The following ATG7 variants were observed in gnomAD, a reference collection of about 807,000 sequenced individuals.
The protein encoded by ATG7 is autophagy related 7, also known as ubiquitin-like modifier-activating enzyme ATG7.
ATG7 carries 70 observed loss-of-function variants against 82.4 expected under a neutral mutation model. The ratio of observed to expected loss-of-function variants is 0.85; its 90% confidence interval spans 0.70 to 1.04. The LOEUF (loss-of-function observed/expected upper bound fraction) is 1.04. Ranked by LOEUF, ATG7 falls within the 50% of genes least tolerant of loss-of-function variation. The probability of loss-of-function intolerance (pLI) is 0.00; values close to 1 mark genes in which losing one functional copy is unlikely to be tolerated. For synonymous variants in ATG7, 287 were observed against 313.0 expected (o/e 0.92, Z 0.88); for missense variants, 792 against 864.3 (o/e 0.92, Z 1.05).
intron 10 of ATG7, among the ~76,000 whole-genome samples, chr3:11,332,045 A>AT (rs760687917): frequency 6.6e-6 from 1 of 152,238 alleles, no homozygotes; most frequent in Non-Finnish European, 1.5e-5. Flanking sequence ...ACTCACTGAA[A>AT]TACCTACATA....
rs145781933 is a variant in ATG7 at position 11,335,022 on chromosome 3, C to T, written c.889+1929C>T. Among the ~76,000 whole-genome samples, 15 of 151,076 alleles carry T rather than the reference C, an allele frequency of 9.9e-5. No homozygotes were observed. In the East Asian group the frequency reaches 2.9e-3, roughly 30 times the overall value. ...CTAGAGTGCTACAGTCAGAAGGATT[C>T]AGGATTGGCCCACATGACATTTTTT... On this transcript the variant is annotated intron_variant, in intron 11 of 20. Transcript: ENST00000693202.
intron 18 of ATG7, among the ~76,000 whole-genome samples, chr3:11,376,043 G>A (rs1389282602): frequency 6.6e-6 from 1 of 152,190 alleles, no homozygotes; most frequent in East Asian, 1.9e-4. Context: ...CAGTAAAGAG[G>A]AATGAAATGC....
intron 20 of ATG7, among the ~76,000 whole-genome samples, chr3:11,492,824 C>T (rs1395814063): frequency 6.6e-6 from 1 of 152,252 alleles, no homozygotes; most frequent in Non-Finnish European, 1.5e-5. Context: ...ACTGACTGGC[C>T]ACTTTGGTGC....
At chr3:11,311,257 A>G (rs1265603814) in intron 7 of ATG7, among the ~76,000 whole-genome samples, 1 of 152,136 alleles carries the variant, frequency 6.6e-6, no homozygotes, top group Non-Finnish European at 1.5e-5. Flanking sequence ...AAAGAATCCT[A>G]AGAAATGCAA....
At chr3:11,564,075 T>G in the ATG7 span, among the ~76,000 whole-genome samples, 3 of 152,194 alleles carry the variant, frequency 2.0e-5, no homozygotes, top group Non-Finnish European at 4.4e-5. Flanking sequence ...GACTACTGAC[T>G]AAGGACCTAT....
intron 20 of ATG7, chr3:11,477,050 C>T (rs896428948): frequency 1.6e-6 from 2 of 1,248,516 alleles, no homozygotes; most frequent in Middle Eastern, 2.2e-4. Flanking sequence ...ACAATGGGCA[C>T]TTGATTATAA....
intron 13 of ATG7, among the ~76,000 whole-genome samples, chr3:11,342,594 T>C (rs1173827923): frequency 2.0e-5 from 3 of 152,172 alleles, no homozygotes; most frequent in Non-Finnish European, 4.4e-5. Flanking sequence ...TTTGCTGATA[T>C]TTATTTGTAT....
intron 20 of ATG7, among the ~76,000 whole-genome samples, chr3:11,467,294 C>G (rs760926179): frequency 6.6e-6 from 1 of 152,180 alleles, no homozygotes; most frequent in South Asian, 2.1e-4. Flanking sequence ...GCTGGGAAGT[C>G]TTTGAACAAC....
intron 18 of ATG7, among the ~76,000 whole-genome samples, chr3:11,375,270 TAAG>T (rs1185401737): frequency 1.4e-4 from 22 of 152,274 alleles, no homozygotes; most frequent in Middle Eastern, 3.4e-3. Context: ...ATATATTTGA[TAAG>T]AAACCTTTAT....
intron 20 of ATG7, among the ~76,000 whole-genome samples, chr3:11,438,816 T>C (rs980944552): frequency 2.6e-5 from 4 of 152,110 alleles, no homozygotes; most frequent in Non-Finnish European, 5.9e-5. Context: ...GGAGAATCTC[T>C]GGCCTGTGGC....
chr3:11,494,997 G>C (rs1181340713), intron 20 of ATG7, among the ~76,000 whole-genome samples: 1 of 152,128 alleles, frequency 6.6e-6, no homozygotes, highest in East Asian at 1.9e-4. Context: ...GCTTGAACCT[G>C]GGAGGTGGAG....
chr3:11,453,429 C>G (rs1358093106), intron 20 of ATG7, among the ~76,000 whole-genome samples: 1 of 152,168 alleles, frequency 6.6e-6, no homozygotes, highest in East Asian at 1.9e-4. Flanking sequence ...CCGTGGCTGT[C>G]CCTGCAAGCC....
chr3:11,410,983 A>G (rs944269779), intron 19 of ATG7, among the ~76,000 whole-genome samples: 9 of 152,192 alleles, frequency 5.9e-5, no homozygotes, highest in African/African-American at 2.2e-4. Flanking sequence ...GCTGGATCTA[A>G]TAATTCTCTT....
chr3:11,485,285 T>C (rs1251582331), intron 20 of ATG7, among the ~76,000 whole-genome samples: 2 of 152,266 alleles, frequency 1.3e-5, no homozygotes, highest in African/African-American at 4.8e-5. Flanking sequence ...ATTTCTCTGA[T>C]AGCCAGTGAT....
At position 11,372,815 on chromosome 3, in the gene ATG7, T is replaced by C. The variant is rs978944914; in HGVS notation, c.1876-7157T>C. ...GGTAAGGGCTGGGTGTGTGTGTGTG[T>C]GCGCGCGTGTGCGTGTGTGTGCGTG... On this transcript the variant is annotated intron_variant, in intron 18 of 20. Coordinates refer to ENST00000693202, the MANE Select transcript of ATG7 (RefSeq NM_001349232.2). Among the ~76,000 whole-genome samples the C allele has an allele frequency of 5.6e-4, 45 of 79,934 alleles. 1 individual carries two copies. Among genetic ancestry groups the C allele is most frequent in the Admixed American group, 1.3e-3 (10 of 7,950 alleles). The allele number at this position is 79,934 out of a possible 152,430, so 52.4% of individuals were successfully genotyped here.
chr3:11,448,355 C>G (rs973462700), intron 20 of ATG7, among the ~76,000 whole-genome samples: 2 of 151,808 alleles, frequency 1.3e-5, no homozygotes, highest in Non-Finnish European at 2.9e-5. Flanking sequence ...GGGGAGTGCT[C>G]TCTCTGGCTG....
chr3:11,332,022 T>C (rs554374669), intron 10 of ATG7, among the ~76,000 whole-genome samples: 1 of 152,338 alleles, frequency 6.6e-6, no homozygotes, highest in Non-Finnish European at 1.5e-5. Flanking sequence ...GCAATGTTAC[T>C]CTCAAGTATA....
chr3:11,466,401 A>G (rs762066438), intron 20 of ATG7, among the ~76,000 whole-genome samples: 5 of 152,232 alleles, frequency 3.3e-5, no homozygotes, highest in Non-Finnish European at 7.3e-5. Context: ...TCATATTGCA[A>G]AGGGCATGAA....
chr3:11,486,169 C>T (rs1361541003), intron 20 of ATG7, among the ~76,000 whole-genome samples: 2 of 152,278 alleles, frequency 1.3e-5, no homozygotes, highest in Non-Finnish European at 1.5e-5. Flanking sequence ...TCTTCCTACC[C>T]ATGAGGATGG....
Sources: allele counts gnomAD v4.1 joint callset (sites outside exome capture counted in the v4.1 genomes callset), GRCh38; gene constraint gnomAD v4.1.1; transcripts MANE v1.5; gene names NCBI Gene and HGNC (gene_info 2026-07-23, HGNC 2026-07-21).